SCN10A: variants seen among roughly 807,000 people sequenced by gnomAD.
The protein encoded by SCN10A is sodium channel protein type 10 subunit alpha.
SCN10A carries 162 observed loss-of-function variants against 170.7 expected under a neutral mutation model. The ratio of observed to expected loss-of-function variants is 0.95; its 90% CI spans 0.84 to 1.08. The LOEUF (loss-of-function observed/expected upper bound fraction) is 1.08. Among genes scored for constraint, SCN10A ranks in the 50% least tolerant of loss-of-function variants. SCN10A has a pLI of 0.00. For missense variants in SCN10A, 2,527 were observed against 2,436.9 expected (o/e 1.04, Z -0.78); for synonymous variants, 985 against 904.6 (o/e 1.09, Z -1.59).
chr3:38,812,417 A>G (rs1276375805), intron 1 of SCN10A, among the ~76,000 whole-genome samples: 1 of 152,100 alleles, frequency 6.6e-6, no homozygotes, highest in African/African-American at 2.4e-5. Context: ...TTAACACATC[A>G]TTCTTGGGGA....
At chr3:38,707,253 T>A in intron 26 of SCN10A, 26 bp downstream of exon 26, 2 of 1,609,980 alleles carry the variant, frequency 1.2e-6, no homozygotes, top group South Asian at 1.1e-5. Context: ...AGACAGGCTG[T>A]GCTAGAGGAA....
chr3:38,807,668 T>C (rs1055162225), intron 1 of SCN10A, among the ~76,000 whole-genome samples: 1 of 152,160 alleles, frequency 6.6e-6, no homozygotes, highest in Non-Finnish European at 1.5e-5. Flanking sequence ...TAATCTCCTC[T>C]CATGGTCTTA....
rs1402327130 is a variant in SCN10A at position 38,756,737 on chromosome 3, A to T, written c.1227T>A (p.Asp409Glu). 3 of 1,614,112 alleles carry T rather than the reference A, an allele frequency of 1.9e-6. No individual in the cohort carries two copies. The highest frequency in any genetic ancestry group is 1.7e-6 in the Non-Finnish European group (2 of 1,180,016). Residue 409 changes from aspartate to glutamate, a missense_variant, in exon 10 of 28, where the codon GAT becomes GAA. Transcript: ENST00000449082. Reference sequence around the variant, plus strand: ...ACTTCTTCTCCTTTGCTTCAATTTCATCAGTGGTTGCCTGGTTCTGCTCCT... The same window carrying T: ...ACTTCTTCTCCTTTGCTTCAATTTCTTCAGTGGTTGCCTGGTTCTGCTCCT... ...AYEEQNQATT[D>E]EIEAKEKKFQ...
chr3:38,751,522 T>C (rs1439120254), intron 12 of SCN10A, among the ~76,000 whole-genome samples: 3 of 152,228 alleles, frequency 2.0e-5, no homozygotes, highest in Non-Finnish European at 4.4e-5. Flanking sequence ...CTCTTTACAA[T>C]TCTGTCTGCA....
intron 11 of SCN10A, among the ~76,000 whole-genome samples, chr3:38,753,944 T>C (rs2063775461): frequency 6.6e-6 from 1 of 152,236 alleles, no homozygotes; most frequent in African/African-American, 2.4e-5. Context: ...TATTCCTCTA[T>C]TTAATTTCTA....
chr3:38,731,277 C>G (rs557550820), intron 15 of SCN10A, among the ~76,000 whole-genome samples: 1 of 152,188 alleles, frequency 6.6e-6, no homozygotes, highest in South Asian at 2.1e-4. Flanking sequence ...AACTGAAGAG[C>G]AAATTTCAGA....
chr3:38,805,293 A>T (rs2064398491), intron 1 of SCN10A, among the ~76,000 whole-genome samples: 1 of 152,098 alleles, frequency 6.6e-6, no homozygotes, highest in South Asian at 2.1e-4. Context: ...TACTAACTGA[A>T]CTACTGTTAT....
chr3:38,777,577 A>T (rs2126046764), intron 4 of SCN10A, among the ~76,000 whole-genome samples: 1 of 152,258 alleles, frequency 6.6e-6, no homozygotes, highest in African/African-American at 2.4e-5. Flanking sequence ...GAGTTGTAAG[A>T]AAAGAGCTGG....
At chr3:38,806,143 T>C (rs140163048) in intron 1 of SCN10A, among the ~76,000 whole-genome samples, 210 of 152,216 alleles carry the variant, frequency 1.4e-3, no homozygotes, top group Non-Finnish European at 2.3e-3. Flanking sequence ...TGCATTTATA[T>C]TGGTGCTAAA....
In SCN10A at chr3:38,726,701, G is replaced by T; in HGVS notation, c.2992C>A (p.Pro998Thr). Residue 998 changes from proline to threonine, a missense_variant, in exon 17 of 28, where the codon CCC becomes ACC. Transcript: ENST00000449082. Reference protein sequence around the residue: ...IANPTVWVSVPIAEGESDLDD... With the variant: ...IANPTVWVSVTIAEGESDLDD... ...AGATCAGATTCACCCTCAGCAATGG[G>T]CACAGAGACCCACACAGTCGGATTA... 1 of 1,612,404 alleles carries T rather than the reference G, an allele frequency of 6.2e-7. No homozygotes were observed. The highest frequency in any genetic ancestry group is 8.5e-7 in the Non-Finnish European group (1 of 1,178,684).
Position 38,810,837 on chromosome 3 carries a change from C to T in SCN10A, c.-33+5200G>A, listed in dbSNP as rs577959688. 2.2e-4 allele frequency among the ~76,000 whole-genome samples: 33 copies of T among 152,226 alleles called. No individual in the cohort carries two copies. The South Asian group carries it at 5.6e-3, about 26-fold the overall frequency. The stretch of plus-strand genomic sequence containing the variant: ...AAAAATGAGATCTCAGTGAAATAGT[C>T]GCATTTTGCAAACATTGTAGCATAT... On this transcript the variant is annotated intron_variant, in intron 1 of 27. Transcript: ENST00000449082.
intron 15 of SCN10A, among the ~76,000 whole-genome samples, chr3:38,734,245 C>T (rs1040467517): frequency 6.6e-6 from 1 of 152,186 alleles, no homozygotes; most frequent in African/African-American, 2.4e-5. Flanking sequence ...TGGTCTCCAA[C>T]TCCTGTCCTC....
Position 38,712,875 on chromosome 3 carries a change from A to C in SCN10A, c.3805-430T>G, listed in dbSNP as rs962327921. Among the ~76,000 whole-genome samples, 18 of 152,256 alleles carry C rather than the reference A, an allele frequency of 1.2e-4. 1 individual carries two copies. The highest frequency in any genetic ancestry group is 4.4e-5 in the Non-Finnish European group (3 of 68,046). On this transcript the variant is annotated intron_variant, in intron 22 of 27. Coordinates refer to ENST00000449082, the MANE Select transcript of SCN10A (RefSeq NM_006514.4). Reference sequence around the variant, plus strand: ...GAAAACCTAAATCCATATTCACAAAATAGCTTATTTGTAAATAAGCAAATG... The same window carrying C: ...GAAAACCTAAATCCATATTCACAAACTAGCTTATTTGTAAATAAGCAAATG...
At chr3:38,742,181 A>T in intron 14 of SCN10A, 110 bp downstream of exon 14, 1 of 743,856 alleles carries the variant, frequency 1.3e-6, no homozygotes, top group Non-Finnish European at 2.3e-6. Context: ...TAACTGGCTC[A>T]ACACACTAAC....
Position 38,748,867 on chromosome 3 carries a change from G to A in SCN10A, c.1867+1206C>T, listed in dbSNP as rs115398609. Among the ~76,000 whole-genome samples, 1,014 of 152,180 alleles carry A rather than the reference G, an allele frequency of 6.7e-3. 10 individuals are homozygous for A. Among genetic ancestry groups the A allele is most frequent in the African/African-American group, 0.023 (964 of 41,496 alleles). On this transcript the variant is annotated intron_variant, in intron 13 of 27. Transcript: ENST00000449082. The stretch of plus-strand genomic sequence containing the variant: ...TACTCTCACAGTATCTTCCTTGAGC[G>A]GAAGTCTATCCTACCCCAAGATACC...
At chr3:38,704,671 T>G (rs1174232080) in intron 26 of SCN10A, among the ~76,000 whole-genome samples, 1 of 152,216 alleles carries the variant, frequency 6.6e-6, no homozygotes, top group Non-Finnish European at 1.5e-5. Context: ...TTCCCAGTCT[T>G]GTGGAATCCT....
intron 1 of SCN10A, among the ~76,000 whole-genome samples, chr3:38,808,669 C>T (rs1043887365): frequency 2.0e-5 from 3 of 152,210 alleles, no homozygotes; most frequent in Non-Finnish European, 4.4e-5. Flanking sequence ...AGAATTTCTG[C>T]TGTCAGTGTG....
chr3:38,727,791 G>A (rs2063473032), intron 16 of SCN10A, among the ~76,000 whole-genome samples: 2 of 152,208 alleles, frequency 1.3e-5, no homozygotes, highest in Admixed American at 1.3e-4. Context: ...TCAGTCCCAG[G>A]AGGGCAAGGA....
chr3:38,812,496 T>C (rs1049245790), intron 1 of SCN10A, among the ~76,000 whole-genome samples: 3 of 152,152 alleles, frequency 2.0e-5, no homozygotes, highest in Non-Finnish European at 4.4e-5. Flanking sequence ...TTCATTCATC[T>C]GAAGTTTACA....
Sources: allele counts gnomAD v4.1 joint callset (sites outside exome capture counted in the v4.1 genomes callset), GRCh38; gene constraint gnomAD v4.1.1; transcripts MANE v1.5; gene names NCBI Gene and HGNC (gene_info 2026-07-23, HGNC 2026-07-21).